ESYT3: variants seen among roughly 807,000 people sequenced by gnomAD.
The protein encoded by ESYT3 is extended synaptotagmin 3, also known as extended synaptotagmin-3.
Under a neutral mutation model 111.5 loss-of-function variants are expected in ESYT3, and 101 were observed. The ratio of observed to expected loss-of-function variants is 0.91; its 90% confidence interval spans 0.77 to 1.07. The LOEUF is 1.07. Ranked by LOEUF, ESYT3 falls within the 50% of genes least tolerant of loss-of-function variation. The pLI, the probability that ESYT3 is intolerant of heterozygous loss-of-function variation, is 0.00. For missense variants in ESYT3, 1,097 were observed against 1,109.4 expected, an observed-to-expected ratio of 0.99 and a Z score of 0.16; for synonymous variants, 416 against 446.8, an observed-to-expected ratio of 0.93 and a Z score of 0.87.
intron 1 of ESYT3, among the ~76,000 whole-genome samples, chr3:138,447,754 T>C (rs2031638738): frequency 6.6e-6 from 1 of 152,078 alleles, no homozygotes. Context: ...GTTGGAAAAT[T>C]TGATCCTAAA....
At chr3:138,455,746 T>G (rs1303286147) in intron 3 of ESYT3, among the ~76,000 whole-genome samples, 1 of 152,214 alleles carries the variant, frequency 6.6e-6, no homozygotes, top group East Asian at 1.9e-4. Context: ...TATTCTCCAC[T>G]AATTGGCTGT....
At chr3:138,463,282 A>T (rs1443382104) in intron 8 of ESYT3, among the ~76,000 whole-genome samples, 2 of 151,910 alleles carry the variant, frequency 1.3e-5, no homozygotes, top group African/African-American at 2.4e-5. Flanking sequence ...TTTAGTAGAG[A>T]CCGGGTTTCA....
In ESYT3 at chr3:138,477,378, C is replaced by T. The variant is rs2033534845; in HGVS notation, c.*524C>T. 6.6e-6 allele frequency: 1 copy of T among 152,402 alleles called. No individual in the cohort carries two copies. The highest frequency in any genetic ancestry group is 2.4e-5 in the African/African-American group (1 of 41,422). The allele number at this position is 152,402 out of a possible 1,614,324, so 9.4% of individuals were successfully genotyped here. On this transcript the variant is annotated 3_prime_UTR_variant, in exon 23 of 23. Coordinates refer to ENST00000389567, the MANE Select transcript of ESYT3 (RefSeq NM_031913.5). ...TGCCAAGAGCTAACACTGCCAAAGC[C>T]CTTCTGGCTGCCACCTGTGGTACTT...
At chr3:138,450,833 A>G (rs565895351) in intron 1 of ESYT3, among the ~76,000 whole-genome samples, 3 of 152,332 alleles carry the variant, frequency 2.0e-5, no homozygotes, top group African/African-American at 7.2e-5. Flanking sequence ...ACTTAGTCCC[A>G]GAACAGTGGC....
At chr3:138,445,637 A>G (rs1398155285) in intron 1 of ESYT3, among the ~76,000 whole-genome samples, 1 of 152,240 alleles carries the variant, frequency 6.6e-6, no homozygotes, top group Admixed American at 6.5e-5. Context: ...AACTGGACAC[A>G]TAGCTCAGGT....
At chr3:138,457,465 T>A (rs1051762048) in intron 3 of ESYT3, 103 bp from the exon 4 acceptor site, 5 of 950,364 alleles carry the variant, frequency 5.3e-6, no homozygotes, top group Admixed American at 5.1e-5. Flanking sequence ...GGAAGTATGG[T>A]GGTCATGCTC....
intron 20 of ESYT3, 149 bp from the exon 21 acceptor site, chr3:138,476,074 C>T (rs2033467360): frequency 1.6e-6 from 1 of 613,674 alleles, no homozygotes; most frequent in Non-Finnish European, 2.9e-6. Context: ...AATAATGATA[C>T]ATCGTGAGTA....
Position 138,477,626 on chromosome 3 carries a change from G to A in ESYT3, c.*772G>A, listed in dbSNP as rs1363598293. 1.3e-5 allele frequency: 2 copies of A among 152,234 alleles called. No individual in the cohort carries two copies. The highest frequency in any genetic ancestry group is 2.9e-5 in the Non-Finnish European group (2 of 68,052). The allele number at this position is 152,234 out of a possible 1,614,324, so 9.4% of individuals were successfully genotyped here. The stretch of plus-strand genomic sequence containing the variant: ...TCATAGCAAAGCACTGGAGACTGCT[G>A]AAGAGTGTCACCATCAGAGAAAAGG... On this transcript the variant is annotated 3_prime_UTR_variant, in exon 23 of 23. Coordinates refer to ENST00000389567, the MANE Select transcript of ESYT3 (RefSeq NM_031913.5).
chr3:138,448,226 C>A (rs1019742303), intron 1 of ESYT3, among the ~76,000 whole-genome samples: 24 of 137,426 alleles, frequency 1.7e-4, no homozygotes, highest in African/African-American at 6.4e-4. Context: ...GAGATTGCAC[C>A]ATTGCACTCC....
At chr3:138,452,124 G>A (rs775321659) in intron 2 of ESYT3, 35 bp downstream of exon 2, 1 of 1,601,442 alleles carries the variant, frequency 6.2e-7, no homozygotes. Context: ...AGGGCCGGAC[G>A]CATGCCAGCC....
In ESYT3 at chr3:138,435,426, AAAAC is replaced by A. The variant is rs1440965659; in HGVS notation, c.327+304_327+307del. On this transcript the variant is annotated intron_variant, in intron 1 of 22. Coordinates refer to ENST00000389567, the MANE Select transcript of ESYT3 (RefSeq NM_031913.5). This position sits in a 1 kb window ranked among gnomAD's most constrained non-coding sequence, Gnocchi z 4.8. ...TCACGGGCAGACCACACCCGGGAGA[AAAAC>A]AAGGGCGTCTGGGACTTCGCAGACT... 2.0e-5 allele frequency among the ~76,000 whole-genome samples: 3 copies of A among 152,230 alleles called. No homozygotes were observed. The highest frequency in any genetic ancestry group is 2.9e-5 in the Non-Finnish European group (2 of 68,030).
rs559133560 is a variant in ESYT3 at position 138,467,386 on chromosome 3, T to G, written c.1170-175T>G. 3.2e-4 allele frequency among the ~76,000 whole-genome samples: 49 copies of G among 152,242 alleles called. No homozygotes were observed. In the South Asian group the frequency reaches 9.7e-3, roughly 30 times the overall value. On this transcript the variant is annotated intron_variant, in intron 10 of 22. Transcript: ENST00000389567. ...CCAGTGGGAGCAGCCCTGATGGTAG[T>G]TAGTCTTTCCTTCACTCGAGCTGAT...
chr3:138,451,506 G>A (rs2031925907), intron 1 of ESYT3, among the ~76,000 whole-genome samples: 1 of 152,206 alleles, frequency 6.6e-6, no homozygotes, highest in South Asian at 2.1e-4. Flanking sequence ...TCATTGAAAC[G>A]AATAAGGGGG....
chr3:138,473,600 C>T lies in ESYT3; in HGVS notation c.2302C>T (p.Arg768Trp), dbSNP rs371595625. The T allele has an allele frequency of 2.7e-5, 43 of 1,613,646 alleles. No individual in the cohort carries two copies. Among genetic ancestry groups the T allele is most frequent in the East Asian group, 8.9e-5 (4 of 44,852 alleles). Reference protein sequence around the residue: ...IQLTVRYVCLRRCLSVLINGC... With the variant: ...IQLTVRYVCLWRCLSVLINGC... The stretch of plus-strand genomic sequence containing the variant: ...GCTCACAGTGCGCTATGTGTGTCTG[C>T]GGCGCTGCCTCAGCGTGCTAATCAA... The change falls in exon 19 of 23, where the codon CGG becomes TGG. Residue 768 changes from arginine to tryptophan, a missense_variant. Arg to Trp is a moderately radical substitution (Grantham distance 101, BLOSUM62 -3). Coordinates refer to ENST00000389567, the MANE Select transcript of ESYT3 (RefSeq NM_031913.5).
chr3:138,464,272 T>G (rs1021683464), intron 8 of ESYT3, 73 bp from the exon 9 acceptor site: 2 of 1,548,476 alleles, frequency 1.3e-6, no homozygotes, highest in Non-Finnish European at 1.8e-6. Context: ...TCTCTGATGG[T>G]TTTAGCTCTG....
intron 1 of ESYT3, among the ~76,000 whole-genome samples, chr3:138,436,871 G>T (rs557119864): frequency 1.3e-5 from 2 of 152,324 alleles, no homozygotes; most frequent in East Asian, 3.9e-4. Flanking sequence ...TATCAGGGAA[G>T]CCTCTAGACA....
chr3:138,450,561 A>G (rs577255505), intron 1 of ESYT3, among the ~76,000 whole-genome samples: 41 of 152,336 alleles, frequency 2.7e-4, no homozygotes, highest in African/African-American at 9.6e-4. Context: ...AGCAAGGGAA[A>G]CTGAGGCTGG....
rs2033516554 is a variant in ESYT3 at position 138,476,984 on chromosome 3, A to G, written c.*130A>G. 2 of 595,366 alleles carry G rather than the reference A, an allele frequency of 3.4e-6. No homozygotes were observed. The highest frequency in any genetic ancestry group is 2.8e-6 in the Non-Finnish European group (1 of 358,396). The allele number at this position is 595,366 out of a possible 1,614,324, so 36.9% of individuals were successfully genotyped here. A position where few individuals can be genotyped will look rare whatever the true frequency, so the allele number is the denominator to read the frequency against. On this transcript the variant is annotated 3_prime_UTR_variant, in exon 23 of 23. Coordinates refer to ENST00000389567, the MANE Select transcript of ESYT3 (RefSeq NM_031913.5). ...AATCAGAACAACCACTTGAAATTATATACATACAATTCTTGTGTGGAATTT... is the reference window on the plus strand; with the variant it reads ...AATCAGAACAACCACTTGAAATTATGTACATACAATTCTTGTGTGGAATTT...
At chr3:138,468,745 C>A in intron 13 of ESYT3, 28 bp downstream of exon 13, 12 of 1,613,974 alleles carry the variant, frequency 7.4e-6, no homozygotes, top group Non-Finnish European at 1.0e-5. Context: ...CAGAGTGTCA[C>A]ACAAACGCAA....
Sources: gnomAD v4.1 joint callset for allele counts (sites outside exome capture counted in the v4.1 genomes callset) on GRCh38, gnomAD v4.1.1 for gene constraint, Gnocchi (gnomAD v3.1) non-coding constraint, MANE v1.5 for transcripts, NCBI Gene and HGNC (gene_info 2026-07-23, HGNC 2026-07-21) for gene names.